The following DPP6 variants were observed in gnomAD, a reference collection of about 807,000 sequenced individuals.
The protein encoded by DPP6 is dipeptidyl peptidase like 6, also known as A-type potassium channel modulatory protein DPP6.
Under a neutral mutation model 122.6 loss-of-function variants are expected in DPP6, and 69 were observed. That is an observed-to-expected ratio of 0.56 (90% CI 0.46 to 0.69). The LOEUF (loss-of-function observed/expected upper bound fraction) is 0.69, where lower values mean the gene tolerates loss of function less well. Among genes scored for constraint, DPP6 ranks in the 30% least tolerant of loss-of-function variants. The pLI is 0.00. For synonymous variants in DPP6, 418 were observed against 433.1 expected (o/e 0.97, Z 0.43); for missense variants, 928 against 1,116.9 (o/e 0.83, Z 2.41).
At chr7:154,780,486 T>A (rs1030399752) in intron 10 of DPP6, among the ~76,000 whole-genome samples, 5 of 152,204 alleles carry the variant, frequency 3.3e-5, no homozygotes, top group Non-Finnish European at 4.4e-5. Context: ...TAAAATGGGA[T>A]TCTGCGTCGC....
intron 10 of DPP6, among the ~76,000 whole-genome samples, chr7:154,786,069 A>G (rs1426199417): frequency 6.6e-6 from 1 of 152,040 alleles, no homozygotes; most frequent in Non-Finnish European, 1.5e-5. Flanking sequence ...GTGCTCCCTC[A>G]TGTTGGGGCA....
the DPP6 span, among the ~76,000 whole-genome samples, chr7:153,850,663 C>A: frequency 6.6e-6 from 1 of 152,086 alleles, no homozygotes; most frequent in Non-Finnish European, 1.5e-5. Flanking sequence ...ACAATCATGG[C>A]AGAAGGTGAA....
chr7:153,897,154 T>A (rs1261347088), intron 1 of DPP6, among the ~76,000 whole-genome samples: 1 of 152,246 alleles, frequency 6.6e-6, no homozygotes, highest in African/African-American at 2.4e-5. Flanking sequence ...TCTTTTTTTA[T>A]GGTTGAAAGA....
At chr7:154,749,488 G>A (rs1392325145) in intron 8 of DPP6, among the ~76,000 whole-genome samples, 90 of 117,958 alleles carry the variant, frequency 7.6e-4, no homozygotes, top group East Asian at 2.4e-3. Context: ...TAGGACGGGA[G>A]AGAGAGGGAT....
At chr7:154,561,673 TAC>T (rs1198264233) in intron 4 of DPP6, among the ~76,000 whole-genome samples, 1 of 152,092 alleles carries the variant, frequency 6.6e-6, no homozygotes, top group Non-Finnish European at 1.5e-5. Flanking sequence ...AAACCCCAAG[TAC>T]ACAGAAGAAT....
At chr7:154,452,034 C>T (rs1246094851) in intron 2 of DPP6, among the ~76,000 whole-genome samples, 1 of 152,206 alleles carries the variant, frequency 6.6e-6, no homozygotes, top group African/African-American at 2.4e-5. Flanking sequence ...TTCAACCTGC[C>T]ACTAGCTCCA....
At chr7:154,865,388 G>C (rs529356631) in intron 17 of DPP6, 1 of 152,220 alleles carries the variant, frequency 6.6e-6, no homozygotes. Context: ...CAGCTGAGGC[G>C]TCGAGATGAC....
intron 1 of DPP6, among the ~76,000 whole-genome samples, chr7:154,319,512 G>A (rs1434694750): frequency 6.6e-6 from 1 of 152,054 alleles, no homozygotes; most frequent in Non-Finnish European, 1.5e-5. Flanking sequence ...TGGCCAACAT[G>A]GTGAAACCCC....
chr7:154,743,056 A>G (rs1310648142), intron 8 of DPP6, among the ~76,000 whole-genome samples: 1 of 152,220 alleles, frequency 6.6e-6, no homozygotes, highest in East Asian at 1.9e-4. Flanking sequence ...AAGGGAAAGA[A>G]ACAGTTATAT....
At chr7:154,656,826 CCA>C (rs1563067652) in intron 6 of DPP6, among the ~76,000 whole-genome samples, 24 of 137,416 alleles carry the variant, frequency 1.7e-4, no homozygotes, top group African/African-American at 7.1e-4. Flanking sequence ...GAGGAGGTGC[CCA>C]CAGACGGGTG....
chr7:154,187,334 C>T (rs1798398812), intron 1 of DPP6, among the ~76,000 whole-genome samples: 2 of 152,162 alleles, frequency 1.3e-5, no homozygotes, highest in African/African-American at 4.8e-5. Flanking sequence ...CTTGCTGTGG[C>T]TGGAAAGTGA....
At chr7:154,484,724 A>C (rs1406612500) in intron 3 of DPP6, among the ~76,000 whole-genome samples, 1 of 152,232 alleles carries the variant, frequency 6.6e-6, no homozygotes, top group East Asian at 1.9e-4. Context: ...CATTTTCATT[A>C]ATCCAGCCAC....
At chr7:154,709,256 T>G (rs1206296566) in intron 7 of DPP6, among the ~76,000 whole-genome samples, 4 of 152,242 alleles carry the variant, frequency 2.6e-5, no homozygotes, top group Admixed American at 6.5e-5. Context: ...AGGAGTTCAC[T>G]GCAGTCTTGA....
chr7:153,767,437 G>A, the DPP6 span, among the ~76,000 whole-genome samples: 1 of 151,910 alleles, frequency 6.6e-6, no homozygotes, highest in African/African-American at 2.4e-5. Flanking sequence ...GTACAATCTC[G>A]GCTCACTGCA....
chr7:154,612,603 T>G (rs1266312277), intron 5 of DPP6, among the ~76,000 whole-genome samples: 1 of 152,228 alleles, frequency 6.6e-6, no homozygotes, highest in African/African-American at 2.4e-5. Flanking sequence ...AGGAAGCTTC[T>G]ATAAACATTC....
intron 6 of DPP6, among the ~76,000 whole-genome samples, chr7:154,646,238 G>C (rs1412957950): frequency 6.6e-6 from 1 of 152,006 alleles, no homozygotes; most frequent in Non-Finnish European, 1.5e-5. Flanking sequence ...ACCATGCCCA[G>C]GCTCTTTAGG....
intron 8 of DPP6, among the ~76,000 whole-genome samples, chr7:154,762,312 T>C (rs2131518905): frequency 6.6e-6 from 1 of 152,310 alleles, no homozygotes; most frequent in Middle Eastern, 3.4e-3. Context: ...GCCCTGGAAG[T>C]AGCACTGAGG....
chr7:154,015,825 C>T (rs1414254386), intron 1 of DPP6, among the ~76,000 whole-genome samples: 2 of 152,118 alleles, frequency 1.3e-5, no homozygotes, highest in African/African-American at 2.4e-5. Flanking sequence ...ACTCCCCCTC[C>T]CACACCCATT....
At chr7:154,133,204 T>C (rs1312888001) in intron 1 of DPP6, among the ~76,000 whole-genome samples, 1 of 152,186 alleles carries the variant, frequency 6.6e-6, no homozygotes, top group Non-Finnish European at 1.5e-5. Context: ...AGAGGAGAAA[T>C]TGAATGCCCC....
Sources: allele counts gnomAD v4.1 joint callset (sites outside exome capture counted in the v4.1 genomes callset), GRCh38; gene constraint gnomAD v4.1.1; transcripts MANE v1.5; gene names NCBI Gene and HGNC (gene_info 2026-07-23, HGNC 2026-07-21).